GALNT13: variants seen among roughly 807,000 people sequenced by gnomAD.
The protein encoded by GALNT13 is UDP-GalNAc:polypeptide N-acetylgalactosaminyltransferase 13.
Under a neutral mutation model 64.2 loss-of-function variants are expected in GALNT13, and 28 were observed. The observed-to-expected ratio is 0.44, with a 90% CI of 0.32 to 0.60. GALNT13 has a LOEUF of 0.60. Ranked by LOEUF, GALNT13 falls within the 20% of genes least tolerant of loss-of-function variation. GALNT13 has a pLI of 0.05. For synonymous variants in GALNT13, 214 were observed against 224.6 expected (o/e 0.95, Z 0.42); for missense variants, 577 against 669.8 (o/e 0.86, Z 1.53).
At chr2:153,946,482 G>A (rs2105390314) in intron 3 of GALNT13, among the ~76,000 whole-genome samples, 1 of 152,156 alleles carries the variant, frequency 6.6e-6, no homozygotes, top group Admixed American at 6.6e-5. Flanking sequence ...GGCTAACAAG[G>A]AACAGACATT....
intron 3 of GALNT13, among the ~76,000 whole-genome samples, chr2:153,979,402 T>G: frequency 6.6e-6 from 1 of 152,134 alleles, no homozygotes; most frequent in East Asian, 1.9e-4. Flanking sequence ...TAGAGGCACT[T>G]ACAACTAAAT....
At chr2:153,434,645 C>T in the GALNT13 span, among the ~76,000 whole-genome samples, 1 of 152,100 alleles carries the variant, frequency 6.6e-6, no homozygotes, top group Non-Finnish European at 1.5e-5. Context: ...AGTGTCTGTT[C>T]GTATACTTTG....
the GALNT13 span, among the ~76,000 whole-genome samples, chr2:153,304,776 T>C: frequency 3.9e-5 from 6 of 152,200 alleles, no homozygotes; most frequent in African/African-American, 1.4e-4. Context: ...CTCCAGCCCA[T>C]CGGTATTAAC....
intron 1 of GALNT13, among the ~76,000 whole-genome samples, chr2:153,895,585 T>G (rs1687833238): frequency 6.6e-6 from 1 of 152,024 alleles, no homozygotes; most frequent in Non-Finnish European, 1.5e-5. Flanking sequence ...TAGGGTCAAG[T>G]TGGGGCATCA....
chr2:154,161,382 A>T (rs1008918689), intron 4 of GALNT13, among the ~76,000 whole-genome samples: 9 of 152,324 alleles, frequency 5.9e-5, no homozygotes, highest in East Asian at 3.9e-4. Context: ...GTAGAAAAAA[A>T]AAATAAATGT....
chr2:154,084,671 G>A (rs1701439152), intron 3 of GALNT13, among the ~76,000 whole-genome samples: 1 of 151,894 alleles, frequency 6.6e-6, no homozygotes, highest in African/African-American at 2.4e-5. Flanking sequence ...TAATAGGGAA[G>A]CGTGTTAGTG....
intron 3 of GALNT13, among the ~76,000 whole-genome samples, chr2:153,966,998 A>G (rs1444691): frequency 0.43 from 65,352 of 151,732 alleles, 14,925 homozygotes; most frequent in East Asian, 0.76. Context: ...TGCTTGATCA[A>G]TTCTGCTTTT....
At chr2:153,591,904 G>C in the GALNT13 span, among the ~76,000 whole-genome samples, 1 of 152,046 alleles carries the variant, frequency 6.6e-6, no homozygotes, top group African/African-American at 2.4e-5. Context: ...TGCAGAATGA[G>C]ATAAAATATT....
chr2:153,348,525 G>A, the GALNT13 span, among the ~76,000 whole-genome samples: 1 of 152,086 alleles, frequency 6.6e-6, no homozygotes, highest in Non-Finnish European at 1.5e-5. Flanking sequence ...TTCTTGAAAA[G>A]TTTGTTTTTA....
chr2:153,223,127 C>G, the GALNT13 span, among the ~76,000 whole-genome samples: 1 of 152,176 alleles, frequency 6.6e-6, no homozygotes, highest in Non-Finnish European at 1.5e-5. Flanking sequence ...GAAGATAAAA[C>G]AATCTTAAAT....
At chr2:154,354,547 C>T (rs560861392) in intron 9 of GALNT13, among the ~76,000 whole-genome samples, 1 of 148,122 alleles carries the variant, frequency 6.8e-6, no homozygotes, top group East Asian at 2.0e-4. Flanking sequence ...GGTTTCAGAT[C>T]TTACATTTAA....
At chr2:153,116,593 G>A in the GALNT13 span, among the ~76,000 whole-genome samples, 6 of 151,954 alleles carry the variant, frequency 3.9e-5, no homozygotes, top group Non-Finnish European at 8.8e-5. Flanking sequence ...ATGATATTTA[G>A]AGCATAAAAA....
intron 9 of GALNT13, among the ~76,000 whole-genome samples, chr2:154,390,549 G>C (rs1398075804): frequency 6.6e-6 from 1 of 152,082 alleles, no homozygotes; most frequent in Non-Finnish European, 1.5e-5. Flanking sequence ...TCCCTGCAAA[G>C]GACATGATCT....
the GALNT13 span, among the ~76,000 whole-genome samples, chr2:153,230,652 A>C: frequency 6.6e-6 from 1 of 152,244 alleles, no homozygotes; most frequent in East Asian, 1.9e-4. Flanking sequence ...TACAACTCAC[A>C]ATTTAAATAT....
chr2:153,587,625 C>A, the GALNT13 span, among the ~76,000 whole-genome samples: 1 of 152,162 alleles, frequency 6.6e-6, no homozygotes, highest in Non-Finnish European at 1.5e-5. Context: ...CTCCATGATT[C>A]AGTTACCTCC....
chr2:153,631,499 C>T, the GALNT13 span, among the ~76,000 whole-genome samples: 20 of 152,236 alleles, frequency 1.3e-4, no homozygotes, highest in East Asian at 2.9e-3. Flanking sequence ...TAATGATCGC[C>T]GTTCTAACTG....
chr2:153,434,987 A>G, the GALNT13 span, among the ~76,000 whole-genome samples: 9 of 152,176 alleles, frequency 5.9e-5, no homozygotes, highest in African/African-American at 2.2e-4. Context: ...TCTTTAATCC[A>G]TCTTGAATTA....
chr2:153,469,282 G>A, the GALNT13 span, among the ~76,000 whole-genome samples: 1 of 152,154 alleles, frequency 6.6e-6, no homozygotes, highest in East Asian at 1.9e-4. Flanking sequence ...TTGTAGAGGA[G>A]ATGAGTTTGC....
chr2:153,671,780 C>T, the GALNT13 span, among the ~76,000 whole-genome samples: 1 of 152,092 alleles, frequency 6.6e-6, no homozygotes. Flanking sequence ...AGTCAAGACC[C>T]GTTGGTGTGC....
Sources: allele counts gnomAD v4.1 joint callset (sites outside exome capture counted in the v4.1 genomes callset), GRCh38; gene constraint gnomAD v4.1.1; transcripts MANE v1.5; gene names NCBI Gene and HGNC (gene_info 2026-07-23, HGNC 2026-07-21).